Variants in ATXN7L1 observed in about 807,000 individuals in gnomAD.
The protein encoded by ATXN7L1 is ataxin 7 like 1.
In ATXN7L1, 15 loss-of-function variants were observed where a neutral mutation model predicts 70.8. The observed-to-expected ratio is 0.21, with a 90% CI of 0.14 to 0.33. The LOEUF is 0.33. Among genes scored for constraint, ATXN7L1 ranks in the 10% least tolerant of loss-of-function variants. The pLI is 1.00. For missense variants in ATXN7L1, 975 were observed against 1,097.1 expected (o/e 0.89, Z 1.57); for synonymous variants, 440 against 445.1 (o/e 0.99, Z 0.14).
intron 3 of ATXN7L1, among the ~76,000 whole-genome samples, chr7:105,778,992 C>T (rs993165447): frequency 3.3e-5 from 5 of 152,234 alleles, no homozygotes; most frequent in Admixed American, 6.5e-5. Context: ...CAATGAAGCT[C>T]ACCTGCCCCA....
chr7:105,696,052 G>A (rs771941526), intron 3 of ATXN7L1, among the ~76,000 whole-genome samples: 44 of 152,314 alleles, frequency 2.9e-4, no homozygotes, highest in Middle Eastern at 3.4e-3. Flanking sequence ...GTTACAGAAC[G>A]TTCTGCCACG....
chr7:105,628,496 A>G (rs1796075135), intron 7 of ATXN7L1, among the ~76,000 whole-genome samples: 1 of 152,100 alleles, frequency 6.6e-6, no homozygotes, highest in African/African-American at 2.4e-5. Flanking sequence ...TAATACATAA[A>G]TAAAATTGTG....
Position 105,706,232 on chromosome 7 carries a change from C to T in ATXN7L1, c.356-40944G>A, listed in dbSNP as rs1414101869. The stretch of plus-strand genomic sequence containing the variant: ...TTTTTGAGATGGAGTATCGCCCTGT[C>T]GCCCAGGCTGGAGTGCAGTGGCACT... On this transcript the variant is annotated intron_variant, in intron 3 of 11. Coordinates refer to ENST00000419735, the MANE Select transcript of ATXN7L1 (RefSeq NM_020725.2). 5.3e-5 allele frequency among the ~76,000 whole-genome samples: 8 copies of T among 151,104 alleles called. 1 individual carries two copies. The highest frequency in any genetic ancestry group is 2.0e-4 in the Admixed American group (3 of 15,208).
chr7:105,792,066 C>T (rs896474323), intron 2 of ATXN7L1, among the ~76,000 whole-genome samples: 1 of 152,180 alleles, frequency 6.6e-6, no homozygotes, highest in Non-Finnish European at 1.5e-5. Flanking sequence ...CTTCTGTATT[C>T]CTCCAGAGAC....
rs796892847 is a variant in ATXN7L1 at position 105,638,486 on chromosome 7, A to G, written c.1069T>C (p.Ser357Pro). ...EVKDKEHLLT[S>P]TREILPSQSG... ...TGGCTTGGAAGTATTTCCCTCGTGG[A>G]AGTCAGGAGATGCTCTTTATCTTTA... Residue 357 changes from serine to proline, a missense_variant, in exon 7 of 12, where the codon TCC (serine) becomes CCC (proline). Physicochemically the swap from Ser to Pro is moderately conservative, Grantham distance 74 (BLOSUM62 -1). Coordinates refer to ENST00000419735, the MANE Select transcript of ATXN7L1 (RefSeq NM_020725.2). The G allele has an allele frequency of 1.3e-5, 20 of 1,552,170 alleles. No homozygotes were observed. In the Admixed American group the frequency reaches 3.9e-4, roughly 30 times the overall value.
chr7:105,691,331 C>T (rs769955789), intron 3 of ATXN7L1, among the ~76,000 whole-genome samples: 1 of 152,154 alleles, frequency 6.6e-6, no homozygotes, highest in Admixed American at 6.6e-5. Context: ...CTCTCGGGAA[C>T]GTTATTAAGT....
At chr7:105,865,132 G>A (rs1473725865) in intron 2 of ATXN7L1, among the ~76,000 whole-genome samples, 1 of 152,338 alleles carries the variant, frequency 6.6e-6, no homozygotes, top group East Asian at 1.9e-4. Flanking sequence ...AGACCCAAGT[G>A]CCCGGTAAAA....
chr7:105,804,317 A>G (rs543239100), intron 2 of ATXN7L1, among the ~76,000 whole-genome samples: 7 of 152,290 alleles, frequency 4.6e-5, no homozygotes, highest in African/African-American at 1.7e-4. Flanking sequence ...CCTGATTAAG[A>G]AGGGACTCCT....
intron 4 of ATXN7L1, among the ~76,000 whole-genome samples, chr7:105,660,222 C>A (rs1442015809): frequency 6.6e-6 from 1 of 152,124 alleles, no homozygotes; most frequent in Non-Finnish European, 1.5e-5. Flanking sequence ...ACCCCCCGAG[C>A]CATCATTCTA....
At chr7:105,820,125 TCAAAAAA>T (rs1441581922) in intron 2 of ATXN7L1, 8 of 28,900 alleles carry the variant, frequency 2.8e-4, no homozygotes, top group South Asian at 1.7e-3. Flanking sequence ...TGTTTATTCC[TCAAAAAA>T]AAAAAAAAAA....
chr7:105,757,464 G>A (rs975512624), intron 3 of ATXN7L1, among the ~76,000 whole-genome samples: 7 of 149,458 alleles, frequency 4.7e-5, no homozygotes, highest in Non-Finnish European at 7.4e-5. Flanking sequence ...ATTATGATGT[G>A]TGCATTTAAA....
chr7:105,818,190 TG>T (rs1033376873), intron 2 of ATXN7L1, among the ~76,000 whole-genome samples: 1 of 152,154 alleles, frequency 6.6e-6, no homozygotes, highest in East Asian at 1.9e-4. Context: ...TTTTTTGAGA[TG>T]GGGGGTCTCA....
chr7:105,856,693 A>G lies in ATXN7L1; in HGVS notation c.250+19119T>C, dbSNP rs1815786458. ...ATAATAAACATATATTTCCATATGC[A>G]CTAACTTTTTTAGATAGCAGATTGT... On this transcript the variant is annotated intron_variant, in intron 2 of 11. Coordinates refer to ENST00000419735, the MANE Select transcript of ATXN7L1 (RefSeq NM_020725.2). Among the ~76,000 whole-genome samples the G allele has an allele frequency of 2.6e-5, 4 of 152,200 alleles. 1 individual carries two copies. Among genetic ancestry groups the G allele is most frequent in the African/African-American group, 7.2e-5 (3 of 41,540 alleles).
At chr7:105,630,081 G>C (rs1435200315) in intron 7 of ATXN7L1, among the ~76,000 whole-genome samples, 3 of 152,150 alleles carry the variant, frequency 2.0e-5, no homozygotes, top group Admixed American at 6.5e-5. Flanking sequence ...GCCTCCCAAA[G>C]TTCTGGGATT....
chr7:105,696,082 C>T (rs1292280196), intron 3 of ATXN7L1, among the ~76,000 whole-genome samples: 1 of 152,186 alleles, frequency 6.6e-6, no homozygotes, highest in East Asian at 1.9e-4. Flanking sequence ...ATCTGCCTGT[C>T]ACACTTCTTT....
chr7:105,732,415 T>TAG (rs1464385520), intron 3 of ATXN7L1, among the ~76,000 whole-genome samples: 1 of 152,174 alleles, frequency 6.6e-6, no homozygotes, highest in Non-Finnish European at 1.5e-5. Context: ...AAAATCTAAA[T>TAG]AAACCTAAGT....
chr7:105,799,605 T>A (rs1806516222), intron 2 of ATXN7L1, among the ~76,000 whole-genome samples: 1 of 152,118 alleles, frequency 6.6e-6, no homozygotes, highest in Admixed American at 6.5e-5. Context: ...TTGCGACATT[T>A]TTTTTTCTCC....
At chr7:105,610,886 A>C (rs1365047300) in intron 10 of ATXN7L1, among the ~76,000 whole-genome samples, 2 of 152,186 alleles carry the variant, frequency 1.3e-5, no homozygotes, top group Non-Finnish European at 2.9e-5. Flanking sequence ...ATGAGGACAA[A>C]GGCATCTGGT....
intron 2 of ATXN7L1, among the ~76,000 whole-genome samples, chr7:105,869,288 G>A (rs1195825135): frequency 6.6e-6 from 1 of 152,194 alleles, no homozygotes; most frequent in Non-Finnish European, 1.5e-5. Flanking sequence ...TAGGCTTAAT[G>A]GGGAATGAAG....
Sources: gnomAD v4.1 joint callset for allele counts (sites outside exome capture counted in the v4.1 genomes callset) on GRCh38, gnomAD v4.1.1 for gene constraint, MANE v1.5 for transcripts, NCBI Gene and HGNC (gene_info 2026-07-23, HGNC 2026-07-21) for gene names.